Variants in POLQ observed in about 807,000 individuals in gnomAD.
POLQ encodes DNA polymerase theta.
In POLQ, 233 loss-of-function variants were observed where a neutral mutation model predicts 259.2. The observed-to-expected ratio is 0.90, with a 90% CI of 0.81 to 1.00. The LOEUF is 1.00. Ranked by LOEUF, POLQ falls within the 50% of genes least tolerant of loss-of-function variation. POLQ has a pLI of 0.00. For synonymous variants in POLQ, 1,025 were observed against 1,048.8 expected (o/e 0.98, Z 0.44); for missense variants, 2,871 against 3,051.6 (o/e 0.94, Z 1.39).
At chr3:121,474,219 A>G (rs2047907497) in intron 20 of POLQ, among the ~76,000 whole-genome samples, 1 of 151,794 alleles carries the variant, frequency 6.6e-6, no homozygotes, top group Middle Eastern at 3.2e-3. Context: ...ATCAGAAAAC[A>G]CTAAAGTAGG....
At chr3:121,490,780 G>C (rs507353) in intron 15 of POLQ, among the ~76,000 whole-genome samples, 1 of 152,108 alleles carries the variant, frequency 6.6e-6, no homozygotes, top group African/African-American at 2.4e-5. Flanking sequence ...CCGGCCGGGC[G>C]CGGTAGCTCA....
chr3:121,525,767 C>T (rs1197830751), intron 7 of POLQ, among the ~76,000 whole-genome samples: 14 of 152,154 alleles, frequency 9.2e-5, no homozygotes, highest in Non-Finnish European at 1.3e-4. Context: ...TCTTCTTACT[C>T]ATCATCTGGC....
At chr3:121,456,307 C>T (rs2047736762) in intron 25 of POLQ, among the ~76,000 whole-genome samples, 1 of 152,048 alleles carries the variant, frequency 6.6e-6, no homozygotes, top group Admixed American at 6.6e-5. Context: ...GAAGCATTCC[C>T]TGTGAAAACT....
At chr3:121,457,386 G>C (rs1355402603) in intron 25 of POLQ, among the ~76,000 whole-genome samples, 1 of 152,230 alleles carries the variant, frequency 6.6e-6, no homozygotes, top group African/African-American at 2.4e-5. Flanking sequence ...TGACAAATGG[G>C]ATCTAATTAA....
At chr3:121,475,680 T>C (rs1484151177) in intron 20 of POLQ, among the ~76,000 whole-genome samples, 2 of 152,184 alleles carry the variant, frequency 1.3e-5, no homozygotes, top group Non-Finnish European at 2.9e-5. Flanking sequence ...ACATACAAAC[T>C]ACCTTCCAGG....
intron 15 of POLQ, among the ~76,000 whole-genome samples, chr3:121,492,104 G>C: frequency 6.7e-6 from 1 of 149,882 alleles, no homozygotes. Flanking sequence ...AAAGAGGATA[G>C]TAAAATACTA....
In POLQ at chr3:121,545,959, G is replaced by A. The variant is rs1185899383; in HGVS notation, c.-82C>T. 2 of 1,484,808 alleles carry A rather than the reference G, an allele frequency of 1.3e-6. No individual in the cohort carries two copies. Among genetic ancestry groups the A allele is most frequent in the Middle Eastern group, 1.7e-4 (1 of 5,894 alleles). The allele number at this position is 1,484,808 out of a possible 1,614,324, so 92.0% of individuals were successfully genotyped here. On this transcript the variant is annotated 5_prime_UTR_variant, in exon 1 of 30. Coordinates refer to ENST00000264233, the MANE Select transcript of POLQ (RefSeq NM_199420.4). ...GGAGAACCCTGGCCTGGCAACAGCT[G>A]CGGACATCTTCCCGCCAGTCTTCAA...
chr3:121,529,603 AT>A (rs2108816686), intron 7 of POLQ, 41 bp downstream of exon 7: 1 of 1,584,760 alleles, frequency 6.3e-7, no homozygotes, highest in East Asian at 2.2e-5. Flanking sequence ...TTTCAAGCAA[AT>A]GTACTAAGCA....
At chr3:121,514,332 A>G (rs2048278849) in intron 9 of POLQ, among the ~76,000 whole-genome samples, 1 of 148,792 alleles carries the variant, frequency 6.7e-6, no homozygotes, top group South Asian at 2.1e-4. Flanking sequence ...CCGTGTATTA[A>G]AAAAAAAAAC....
intron 16 of POLQ, 70 bp downstream of exon 16, chr3:121,487,232 A>C: frequency 1.2e-6 from 1 of 802,598 alleles, no homozygotes. Context: ...AACATTGAGA[A>C]ATCTAACTCT....
At chr3:121,528,779 C>A (rs1226682252) in intron 7 of POLQ, among the ~76,000 whole-genome samples, 2 of 151,996 alleles carry the variant, frequency 1.3e-5, no homozygotes, top group Non-Finnish European at 2.9e-5. Flanking sequence ...ATGGTGAAAC[C>A]TCATCTCTAC....
At chr3:121,495,641 G>A (rs990624726) in intron 14 of POLQ, among the ~76,000 whole-genome samples, 7 of 151,340 alleles carry the variant, frequency 4.6e-5, no homozygotes, top group Non-Finnish European at 7.4e-5. Context: ...TCAGGAGATC[G>A]AGACCATCCT....
chr3:121,521,904 T>C (rs968775661), intron 8 of POLQ, 99 bp downstream of exon 8: 50 of 855,024 alleles, frequency 5.8e-5, no homozygotes, highest in Non-Finnish European at 8.2e-5. Context: ...CTAAGGACAT[T>C]AAGTGTGTTT....
intron 25 of POLQ, among the ~76,000 whole-genome samples, chr3:121,455,893 C>T (rs767674847): frequency 1.4e-5 from 2 of 147,076 alleles, no homozygotes; most frequent in East Asian, 2.1e-4. Context: ...ATGAGGCCAG[C>T]ATCATCCTGA....
At chr3:121,470,031 G>A (rs991046554) in intron 22 of POLQ, among the ~76,000 whole-genome samples, 18 of 152,252 alleles carry the variant, frequency 1.2e-4, no homozygotes, top group African/African-American at 4.1e-4. Flanking sequence ...GTTGCTGGGC[G>A]TGGTGGCTAA....
chr3:121,520,885 T>A (rs1202440696), intron 8 of POLQ, among the ~76,000 whole-genome samples: 1 of 152,200 alleles, frequency 6.6e-6, no homozygotes, highest in Non-Finnish European at 1.5e-5. Flanking sequence ...ACCTCTGACA[T>A]AAATACGTGA....
intron 25 of POLQ, among the ~76,000 whole-genome samples, chr3:121,454,412 G>T (rs1379268504): frequency 6.6e-6 from 1 of 152,144 alleles, no homozygotes; most frequent in African/African-American, 2.4e-5. Context: ...TGGACTAAAT[G>T]CTCCAATTAA....
chr3:121,515,390 C>T (rs1404153141), intron 9 of POLQ, among the ~76,000 whole-genome samples: 1 of 152,178 alleles, frequency 6.6e-6, no homozygotes, highest in Non-Finnish European at 1.5e-5. Context: ...CACCTAACCT[C>T]GAGGCCCAGC....
chr3:121,443,138 G>A (rs1019704428), intron 26 of POLQ, among the ~76,000 whole-genome samples: 5 of 147,670 alleles, frequency 3.4e-5, no homozygotes, highest in East Asian at 2.1e-4. Context: ...TTACAGGCGT[G>A]AGCCACCATG....
Sources: gnomAD v4.1 joint callset for allele counts (sites outside exome capture counted in the v4.1 genomes callset) on GRCh38, gnomAD v4.1.1 for gene constraint, MANE v1.5 for transcripts, NCBI Gene and HGNC (gene_info 2026-07-23, HGNC 2026-07-21) for gene names.